Variants in RYR2 observed in about 807,000 individuals in gnomAD.
The protein encoded by RYR2 is cardiac muscle ryanodine receptor-calcium release channel.
Under a neutral mutation model 601.1 loss-of-function variants are expected in RYR2, and 227 were observed. The ratio of observed to expected loss-of-function variants is 0.38; its 90% CI spans 0.34 to 0.42. RYR2 has a LOEUF of 0.42. Among genes scored for constraint, RYR2 ranks in the 10% least tolerant of loss-of-function variants. The pLI is 1.00. For missense variants in RYR2, 4,646 were observed against 6,156.5 expected (o/e 0.75, Z 8.21); for synonymous variants, 2,223 against 2,175.1 (o/e 1.02, Z -0.61).
intron 58 of RYR2, among the ~76,000 whole-genome samples, chr1:237,669,515 C>T (rs1418188994): frequency 6.6e-5 from 10 of 150,920 alleles, no homozygotes; most frequent in African/African-American, 9.7e-5. Flanking sequence ...GCTGACCCCC[C>T]CCACCTCCCT....
chr1:237,593,850 T>G (rs1420877678), intron 33 of RYR2, among the ~76,000 whole-genome samples: 1 of 152,210 alleles, frequency 6.6e-6, no homozygotes, highest in African/African-American at 2.4e-5. Context: ...GTAAGAGCAG[T>G]GCAGCCTTTT....
In RYR2 at chr1:237,832,533, AT is replaced by A. The variant is rs769123824; in HGVS notation, c.14809-16del. ...CACACTTTGGGGAAAATGTTAATAC[AT>A]TTCCTTGACTTTTGCAGGAATCTTA... On this transcript the variant is annotated intron_variant, in intron 104 of 104. Coordinates refer to ENST00000366574, the MANE Select transcript of RYR2 (RefSeq NM_001035.3). The A allele has an allele frequency of 7.7e-6, 12 of 1,549,696 alleles. No homozygotes were observed. The highest frequency in any genetic ancestry group is 1.4e-5 in the African/African-American group (1 of 73,616).
At chr1:237,739,278 A>T (rs1228913415) in intron 79 of RYR2, among the ~76,000 whole-genome samples, 2 of 152,238 alleles carry the variant, frequency 1.3e-5, no homozygotes, top group African/African-American at 4.8e-5. Context: ...TACTCCTATC[A>T]TATATACTTC....
chr1:237,184,443 C>T lies in RYR2; in HGVS notation c.49-86054C>T, dbSNP rs538540757. On this transcript the variant is annotated intron_variant, in intron 1 of 104. Coordinates refer to ENST00000366574, the MANE Select transcript of RYR2 (RefSeq NM_001035.3). ...AATTGACAAGAGAAGAACTACTTTTCGGGAGCCATAAATAACCTTTATTAA... is the reference window on the plus strand; with the variant it reads ...AATTGACAAGAGAAGAACTACTTTTTGGGAGCCATAAATAACCTTTATTAA... 2.0e-5 allele frequency among the ~76,000 whole-genome samples: 3 copies of T among 152,238 alleles called. No homozygotes were observed. The South Asian group carries it at 6.2e-4, about 31-fold the overall frequency.
At chr1:237,376,758 A>G (rs1344253875) in intron 7 of RYR2, among the ~76,000 whole-genome samples, 2 of 152,196 alleles carry the variant, frequency 1.3e-5, no homozygotes, top group Non-Finnish European at 2.9e-5. Context: ...GGATTCTCTT[A>G]TATGTTACCT....
At position 237,416,001 on chromosome 1, in the gene RYR2, A is replaced by G. The variant is rs908932546; in HGVS notation, c.774-1048A>G. 2.0e-5 allele frequency among the ~76,000 whole-genome samples: 3 copies of G among 152,196 alleles called. No individual in the cohort carries two copies. The East Asian group carries it at 5.8e-4, about 29-fold the overall frequency. The stretch of plus-strand genomic sequence containing the variant: ...TTACGTATATTTGAAACATTCCACA[A>G]TAAAGATAGAATGAGAAGGATTATC... On this transcript the variant is annotated intron_variant, in intron 10 of 104. Transcript: ENST00000366574.
At position 237,660,868 on chromosome 1, in the gene RYR2, G is replaced by A; in HGVS notation, c.8357G>A (p.Gly2786Asp). ...TCTTTAAAAACTATGCTGGCTTGGG[G>A]CTGGAGAATTGAAAGAACTCGGGAG... ...KESLKTMLAW[G>D]WRIERTREGD... is the part of the protein sequence containing the mutation. Residue 2786 changes from glycine to aspartate, a missense_variant, in exon 56 of 105, where the codon GGC becomes GAC. Physicochemically the swap from Gly to Asp is moderately conservative, Grantham distance 94. Around this residue, in one of 17 missense-constraint regions of RYR2, gnomAD observed 1,497 missense variants for 1,842.6 expected, o/e 0.81. Transcript: ENST00000366574. 1 of 1,544,924 alleles carries A rather than the reference G, an allele frequency of 6.5e-7. No homozygotes were observed. The highest frequency in any genetic ancestry group is 2.5e-5 in the East Asian group (1 of 40,762).
At chr1:237,434,430 A>G (rs555474770) in intron 12 of RYR2, among the ~76,000 whole-genome samples, 1 of 152,342 alleles carries the variant, frequency 6.6e-6, no homozygotes, top group South Asian at 2.1e-4. Context: ...TTTAAGGAAA[A>G]TATCTTACAT....
chr1:237,624,483 T>C (rs895007506), intron 39 of RYR2, among the ~76,000 whole-genome samples: 3 of 152,160 alleles, frequency 2.0e-5, no homozygotes, highest in African/African-American at 7.2e-5. Context: ...ATAGATAAAA[T>C]ATGTACAGTT....
chr1:237,146,218 G>A (rs1165012918), intron 1 of RYR2, among the ~76,000 whole-genome samples: 1 of 152,206 alleles, frequency 6.6e-6, no homozygotes, highest in African/African-American at 2.4e-5. Context: ...GAAATTTAGG[G>A]AGATGTTTAA....
chr1:237,451,656 C>T (rs1263983391), intron 14 of RYR2, among the ~76,000 whole-genome samples: 1 of 151,050 alleles, frequency 6.6e-6, no homozygotes. Context: ...AAAAGTTTTA[C>T]ATGATTACTG....
intron 83 of RYR2, among the ~76,000 whole-genome samples, chr1:237,760,342 T>G: frequency 8.4e-6 from 1 of 119,740 alleles, no homozygotes; most frequent in African/African-American, 3.2e-5. Context: ...AGAGACAGAG[T>G]GAGACCCTGT....
At chr1:237,064,686 T>C (rs1663309230) in intron 1 of RYR2, among the ~76,000 whole-genome samples, 2 of 151,746 alleles carry the variant, frequency 1.3e-5, no homozygotes, top group Non-Finnish European at 2.9e-5. Flanking sequence ...GGTATAACTC[T>C]TCTGAGGTCT....
intron 1 of RYR2, among the ~76,000 whole-genome samples, chr1:237,055,392 T>C (rs1416493010): frequency 6.6e-6 from 1 of 151,992 alleles, no homozygotes; most frequent in Non-Finnish European, 1.5e-5. Flanking sequence ...ATAAGATAAA[T>C]TGGGATGTAG....
intron 100 of RYR2, among the ~76,000 whole-genome samples, chr1:237,810,096 C>T (rs185508244): frequency 6.6e-6 from 1 of 151,874 alleles, no homozygotes; most frequent in African/African-American, 2.4e-5. Context: ...TAGTAATACT[C>T]ATTTTTACAT....
Position 237,237,982 on chromosome 1 carries a change from C to CTTTCCTTTCCTTTCCTTTCCTTTCT in RYR2, c.49-32510_49-32509insTTTCCTTTCCTTTCCTTTCTTTTCC, listed in dbSNP as rs751927403. ...CTTTCCTTTCCTTTCCTTTCCTTTC[C>CTTTCCTTTCCTTTCCTTTCCTTTCT]TTTCCAACAGGGTTTTATTCTGTCA... is the stretch of plus-strand genomic sequence containing the variant. On this transcript the variant is annotated intron_variant, in intron 1 of 104. Transcript: ENST00000366574. Among the ~76,000 whole-genome samples the CTTTCCTTTCCTTTCCTTTCCTTTCT allele has an allele frequency of 7.9e-3, 1,142 of 144,066 alleles. 18 individuals carry two copies. Among genetic ancestry groups the CTTTCCTTTCCTTTCCTTTCCTTTCT allele is most frequent in the Middle Eastern group, 0.026 (7 of 270 alleles). 94.5% of individuals were successfully genotyped at this position (144,066 alleles called of 152,430 possible). A position where few individuals can be genotyped will look rare whatever the true frequency, so the allele number is the denominator to read the frequency against.
At chr1:237,823,789 CTAAT>C (rs952055619) in intron 101 of RYR2, among the ~76,000 whole-genome samples, 1 of 151,866 alleles carries the variant, frequency 6.6e-6, no homozygotes, top group African/African-American at 2.4e-5. Flanking sequence ...GCTAGCCAGA[CTAAT>C]AAAGAAGAAA....
rs1558407346 is a variant in RYR2, at chr1:237,784,630, C to T, written c.12918C>T (p.Phe4306=). The T allele has an allele frequency of 6.2e-7, 1 of 1,613,756 alleles. No homozygotes were observed. The highest frequency in any genetic ancestry group is 8.5e-7 in the Non-Finnish European group (1 of 1,179,794). Reference sequence around the variant, plus strand: ...TGGCCAGCGTTTTCAGAGGCTTTTTCCGCATCATTTGCAGCCTGCTGCTTG... The same window carrying T: ...TGGCCAGCGTTTTCAGAGGCTTTTTTCGCATCATTTGCAGCCTGCTGCTTG... ...HFVASVFRGF[F]RIICSLLLGG... is the part of the protein sequence containing the mutation. Residue 4306 remains phenylalanine, a synonymous_variant, in exon 90 of 105, where the codon TTC becomes TTT. Transcript: ENST00000366574. This position sits in a 1 kb window ranked among gnomAD's most constrained non-coding sequence, Gnocchi z 7.1.
chr1:237,058,144 G>A (rs898994828), intron 1 of RYR2, among the ~76,000 whole-genome samples: 7 of 152,054 alleles, frequency 4.6e-5, no homozygotes, highest in Non-Finnish European at 7.4e-5. Context: ...AAAGAAGGTA[G>A]GGCTTATATA....
Sources: allele counts gnomAD v4.1 joint callset (sites outside exome capture counted in the v4.1 genomes callset), GRCh38; gene constraint gnomAD v4.1.1; regional missense constraint gnomAD v4.1.1; non-coding constraint Gnocchi (gnomAD v3.1); transcripts MANE v1.5; gene names NCBI Gene and HGNC (gene_info 2026-07-23, HGNC 2026-07-21).